NCKAP5: variants seen among roughly 807,000 people sequenced by gnomAD.
The protein encoded by NCKAP5 is NCK associated protein 5.
Under a neutral mutation model 167.0 loss-of-function variants are expected in NCKAP5, and 92 were observed. The observed-to-expected ratio is 0.55, with a 90% confidence interval of 0.47 to 0.66. NCKAP5 has a LOEUF of 0.66. NCKAP5 is among the 30% of genes least tolerant of loss of function. The probability of loss-of-function intolerance (pLI) is 0.00; values close to 1 mark genes in which losing one functional copy is unlikely to be tolerated. For synonymous variants in NCKAP5, 891 were observed against 877.4 expected, an observed-to-expected ratio of 1.02 and a Z score of -0.27; for missense variants, 2,378 against 2,315.0, an observed-to-expected ratio of 1.03 and a Z score of -0.56.
chr2:132,825,238 T>C (rs1687043700), intron 11 of NCKAP5, among the ~76,000 whole-genome samples: 2 of 152,046 alleles, frequency 1.3e-5, no homozygotes, highest in Non-Finnish European at 2.9e-5. Context: ...CATAGGTGAG[T>C]GGCTAATGAA....
intron 3 of NCKAP5, among the ~76,000 whole-genome samples, chr2:133,417,521 A>G (rs1480361352): frequency 6.6e-6 from 1 of 152,212 alleles, no homozygotes; most frequent in Non-Finnish European, 1.5e-5. Context: ...TTCCCAGCAG[A>G]GAGCTGTCGA....
intron 3 of NCKAP5, among the ~76,000 whole-genome samples, chr2:133,516,916 G>C (rs1684048588): frequency 6.6e-6 from 1 of 152,152 alleles, no homozygotes; most frequent in Non-Finnish European, 1.5e-5. Context: ...CTGTTTCACT[G>C]GACTAAGCAG....
intron 2 of NCKAP5, among the ~76,000 whole-genome samples, chr2:133,545,760 A>AG (rs765162474): frequency 5.3e-5 from 8 of 152,180 alleles, no homozygotes; most frequent in Non-Finnish European, 1.0e-4. Flanking sequence ...CATAGAAGGG[A>AG]GGAGGGGAGA....
intron 19 of NCKAP5, among the ~76,000 whole-genome samples, chr2:132,703,172 C>A (rs967330565): frequency 1.3e-5 from 2 of 152,110 alleles, no homozygotes; most frequent in South Asian, 2.1e-4. Context: ...CAGAGTGAGA[C>A]CCTGTCTCTA....
intron 2 of NCKAP5, among the ~76,000 whole-genome samples, chr2:133,547,396 T>C (rs552004160): frequency 1.3e-5 from 2 of 152,186 alleles, no homozygotes; most frequent in South Asian, 4.1e-4. Context: ...GAGGCCTGCC[T>C]GCCTCTGTAG....
chr2:133,163,656 C>T (rs922183563), intron 5 of NCKAP5, among the ~76,000 whole-genome samples: 5 of 152,116 alleles, frequency 3.3e-5, no homozygotes, highest in African/African-American at 1.2e-4. Flanking sequence ...TCTACCTATG[C>T]GTTCTTGTAA....
chr2:132,853,228 T>G (rs1689207004), intron 11 of NCKAP5, among the ~76,000 whole-genome samples: 1 of 152,210 alleles, frequency 6.6e-6, no homozygotes, highest in Non-Finnish European at 1.5e-5. Context: ...CTGAACTAGG[T>G]GTTAGCCAAC....
intron 5 of NCKAP5, among the ~76,000 whole-genome samples, chr2:133,174,358 T>C (rs2084368575): frequency 6.6e-6 from 1 of 152,188 alleles, no homozygotes; most frequent in Admixed American, 6.6e-5. Flanking sequence ...TTACTTGTAG[T>C]AGGCTCTACC....
intron 8 of NCKAP5, among the ~76,000 whole-genome samples, chr2:132,952,866 C>T (rs36003100): frequency 0.062 from 9,433 of 152,178 alleles, 754 homozygotes; most frequent in Admixed American, 0.23. Context: ...TGGTTTGCAG[C>T]GCCACTTGGC....
intron 6 of NCKAP5, among the ~76,000 whole-genome samples, chr2:133,096,845 C>T (rs78148856): frequency 0.028 from 4,322 of 152,164 alleles, 186 homozygotes; most frequent in African/African-American, 0.095. Flanking sequence ...TATCCAGGTG[C>T]CAATATTGTG....
intron 7 of NCKAP5, among the ~76,000 whole-genome samples, chr2:132,989,845 G>A (rs74785998): frequency 6.6e-6 from 1 of 152,210 alleles, no homozygotes. Flanking sequence ...CCACATCCCA[G>A]TCCCTGAAGA....
the NCKAP5 span, among the ~76,000 whole-genome samples, chr2:133,632,342 C>T: frequency 6.6e-6 from 1 of 151,942 alleles, no homozygotes; most frequent in Non-Finnish European, 1.5e-5. Flanking sequence ...ACTTTTTTGC[C>T]TTCGGCAAAT....
At chr2:132,889,875 C>T (rs1392841692) in intron 8 of NCKAP5, among the ~76,000 whole-genome samples, 1 of 151,912 alleles carries the variant, frequency 6.6e-6, no homozygotes, top group African/African-American at 2.4e-5. Flanking sequence ...TGATCATATG[C>T]AAATGAAACA....
chr2:132,851,748 C>T (rs948348073), intron 11 of NCKAP5, among the ~76,000 whole-genome samples: 4 of 152,170 alleles, frequency 2.6e-5, no homozygotes, highest in Non-Finnish European at 5.9e-5. Context: ...AAGATTTGTT[C>T]CCAAGTCTCC....
At chr2:133,616,498 C>T in the NCKAP5 span, among the ~76,000 whole-genome samples, 1 of 151,058 alleles carries the variant, frequency 6.6e-6, no homozygotes, top group African/African-American at 2.4e-5. Flanking sequence ...GAAATACAAA[C>T]TACCATCAGA....
At chr2:133,638,428 G>A in the NCKAP5 span, among the ~76,000 whole-genome samples, 8 of 152,062 alleles carry the variant, frequency 5.3e-5, no homozygotes, top group Non-Finnish European at 1.0e-4. Context: ...ATAGAGTCTT[G>A]TTTAAAAAAA....
chr2:132,963,868 T>C lies in NCKAP5; in HGVS notation c.431A>G (p.Glu144Gly), dbSNP rs781538411. The C allele has an allele frequency of 1.1e-5, 18 of 1,613,602 alleles. 1 individual carries two copies. The South Asian group carries it at 2.0e-4, about 18-fold the overall frequency. The stretch of plus-strand genomic sequence containing the variant: ...TTTTCTCTCTTCCTCTGACAGCTTT[T>C]CCTGAAGCAAGAAAGAATTACTGTT... Reference protein sequence around the residue: ...EETVNIMVYQEKLSEEERKHK... With the variant: ...EETVNIMVYQGKLSEEERKHK... The change falls in exon 8 of 20, where the codon GAA becomes GGA. Residue 144 changes from glutamate (E) to glycine (G), a missense_variant and splice_region_variant. Glu to Gly is a moderately conservative substitution (Grantham distance 98, BLOSUM62 -2). Around this residue, in one of 3 missense-constraint regions of NCKAP5, gnomAD observed 1,049 missense variants for 1,023.4 expected, o/e 1.02. Coordinates refer to ENST00000409261, the MANE Select transcript of NCKAP5 (RefSeq NM_207363.3).
chr2:132,748,361 A>G (rs1679824420), intron 16 of NCKAP5, among the ~76,000 whole-genome samples: 1 of 152,228 alleles, frequency 6.6e-6, no homozygotes, highest in Non-Finnish European at 1.5e-5. Context: ...TTCTGAACCA[A>G]TCACTGGCAG....
At chr2:133,115,260 A>G (rs543310407) in intron 6 of NCKAP5, among the ~76,000 whole-genome samples, 3 of 152,302 alleles carry the variant, frequency 2.0e-5, no homozygotes, top group Admixed American at 6.5e-5. Flanking sequence ...AGACTTTTCA[A>G]ATTGGATCCT....
Sources: gnomAD v4.1 joint callset for allele counts (sites outside exome capture counted in the v4.1 genomes callset) on GRCh38, gnomAD v4.1.1 for gene constraint, gnomAD v4.1.1 regional missense constraint, MANE v1.5 for transcripts, NCBI Gene and HGNC (gene_info 2026-07-23, HGNC 2026-07-21) for gene names.